TAFA2: variants seen among roughly 807,000 people sequenced by gnomAD.
TAFA2 encodes the protein TAFA chemokine like family member 2.
In TAFA2, 7 loss-of-function variants were observed where a neutral mutation model predicts 18.8. The observed-to-expected ratio is 0.37, with a 90% CI of 0.21 to 0.70. The LOEUF is 0.70. TAFA2 is among the 30% of genes least tolerant of loss of function. TAFA2 has a pLI of 0.53. For missense variants in TAFA2, 122 were observed against 158.1 expected, an observed-to-expected ratio of 0.77 and a Z score of 1.23; for synonymous variants, 60 against 54.2, an observed-to-expected ratio of 1.11 and a Z score of -0.47.
At chr12:61,736,596 T>C (rs548710935) in intron 4 of TAFA2, among the ~76,000 whole-genome samples, 1 of 152,168 alleles carries the variant, frequency 6.6e-6, no homozygotes, top group Admixed American at 6.6e-5. Flanking sequence ...TAATTGTTAC[T>C]TACAATTGGA....
At chr12:61,926,938 G>T (rs1220290773) in intron 1 of TAFA2, among the ~76,000 whole-genome samples, 1 of 151,910 alleles carries the variant, frequency 6.6e-6, no homozygotes, top group Non-Finnish European at 1.5e-5. Flanking sequence ...AGCTGGGCAT[G>T]GTGGCACATG....
intron 4 of TAFA2, among the ~76,000 whole-genome samples, chr12:61,713,116 TTC>T (rs973941520): frequency 1.9e-4 from 29 of 152,182 alleles, no homozygotes; most frequent in African/African-American, 6.3e-4. Context: ...GCCTAAAGGT[TTC>T]TCTGTACATC....
chr12:62,175,048 T>C (rs756067921), intron 1 of TAFA2, among the ~76,000 whole-genome samples: 3 of 152,212 alleles, frequency 2.0e-5, no homozygotes, highest in Non-Finnish European at 4.4e-5. Flanking sequence ...AGTGTATTGA[T>C]GAGCAGGGAT....
intron 1 of TAFA2, among the ~76,000 whole-genome samples, chr12:61,888,640 G>C (rs939664693): frequency 2.0e-5 from 3 of 152,066 alleles, no homozygotes; most frequent in Non-Finnish European, 4.4e-5. Flanking sequence ...AAAAGATCAA[G>C]TAGATAAAAA....
At chr12:61,889,934 C>T (rs147355951) in intron 1 of TAFA2, among the ~76,000 whole-genome samples, 2 of 152,316 alleles carry the variant, frequency 1.3e-5, no homozygotes, top group African/African-American at 4.8e-5. Context: ...TAAAGGCCCA[C>T]AATGACTAGG....
At chr12:61,823,451 G>A (rs773765011) in intron 2 of TAFA2, among the ~76,000 whole-genome samples, 1 of 152,094 alleles carries the variant, frequency 6.6e-6, no homozygotes, top group Non-Finnish European at 1.5e-5. Flanking sequence ...TAAATTACAG[G>A]CACCCATTAA....
intron 1 of TAFA2, among the ~76,000 whole-genome samples, chr12:61,951,394 C>T (rs1486965318): frequency 2.0e-5 from 3 of 152,148 alleles, no homozygotes; most frequent in Admixed American, 2.0e-4. Flanking sequence ...CCAACATGAA[C>T]TGTTTTCTTA....
At chr12:61,919,518 T>C (rs906751916) in intron 1 of TAFA2, among the ~76,000 whole-genome samples, 3 of 152,208 alleles carry the variant, frequency 2.0e-5, no homozygotes, top group Non-Finnish European at 4.4e-5. Flanking sequence ...AGTTCATGGC[T>C]CCTAAGTTCC....
chr12:62,177,460 T>G (rs1444381767), intron 1 of TAFA2, among the ~76,000 whole-genome samples: 8 of 152,214 alleles, frequency 5.3e-5, no homozygotes, highest in African/African-American at 1.9e-4. Flanking sequence ...CACATTATTG[T>G]TCCCCAAATC....
chr12:62,033,400 G>A (rs1315370118), intron 1 of TAFA2, among the ~76,000 whole-genome samples: 1 of 152,074 alleles, frequency 6.6e-6, no homozygotes, highest in Non-Finnish European at 1.5e-5. Context: ...TCGGCCCTTA[G>A]GAAGGAGGTT....
intron 2 of TAFA2, among the ~76,000 whole-genome samples, chr12:61,811,240 T>G (rs934975959): frequency 2.0e-5 from 3 of 151,410 alleles, no homozygotes; most frequent in African/African-American, 7.4e-5. Context: ...CAATGTTCAA[T>G]TCTTCATGTA....
intron 1 of TAFA2, among the ~76,000 whole-genome samples, chr12:61,927,852 C>T (rs1306644260): frequency 1.3e-5 from 2 of 152,106 alleles, no homozygotes; most frequent in Non-Finnish European, 2.9e-5. Context: ...TCAGAAATAA[C>T]ACCACACATC....
intron 1 of TAFA2, among the ~76,000 whole-genome samples, chr12:62,242,184 CT>C (rs1226946216): frequency 6.6e-6 from 1 of 151,998 alleles, no homozygotes; most frequent in East Asian, 1.9e-4. Context: ...GAAAATGGAA[CT>C]GATAAATTAT....
chr12:61,753,433 G>C (rs1422433673), intron 4 of TAFA2, among the ~76,000 whole-genome samples, 189 bp downstream of exon 4: 1 of 152,010 alleles, frequency 6.6e-6, no homozygotes, highest in African/African-American at 2.4e-5. Flanking sequence ...GTACTCTATG[G>C]AAGATGTTGT....
Position 62,158,093 on chromosome 12 carries a change from C to T in TAFA2, c.-2+33166G>A, listed in dbSNP as rs370771783. ...CTATAAACTTTTCTGGAAAAAAAGT[C>T]AATACATTCATGGTTTATCCCAAAT... On this transcript the variant is annotated intron_variant, in intron 1 of 4. Transcript: ENST00000416284. 6.6e-5 allele frequency among the ~76,000 whole-genome samples: 10 copies of T among 152,132 alleles called. No individual in the cohort carries two copies. In the East Asian group the frequency reaches 1.2e-3, roughly 18 times the overall value.
intron 2 of TAFA2, among the ~76,000 whole-genome samples, chr12:61,865,021 T>C (rs1173312774): frequency 1.3e-5 from 2 of 152,294 alleles, no homozygotes; most frequent in South Asian, 2.1e-4. Flanking sequence ...ATGTCCCACA[T>C]TGGTAGCCAA....
intron 4 of TAFA2, among the ~76,000 whole-genome samples, chr12:61,749,591 T>C (rs1868909271): frequency 6.6e-6 from 1 of 152,126 alleles, no homozygotes; most frequent in South Asian, 2.1e-4. Flanking sequence ...AATATCATAA[T>C]GCATACCTTT....
chr12:61,774,127 T>A (rs1354552889), intron 2 of TAFA2, among the ~76,000 whole-genome samples: 1 of 151,840 alleles, frequency 6.6e-6, no homozygotes, highest in African/African-American at 2.4e-5. Context: ...ATCAGGCAAA[T>A]GCAAATCAAA....
intron 4 of TAFA2, among the ~76,000 whole-genome samples, chr12:61,712,272 T>C (rs565209337): frequency 1.3e-5 from 2 of 152,270 alleles, no homozygotes; most frequent in South Asian, 4.1e-4. Context: ...TATTAGTGAG[T>C]ATAATAGATG....
Sources: gnomAD v4.1 joint callset for allele counts (sites outside exome capture counted in the v4.1 genomes callset) on GRCh38, gnomAD v4.1.1 for gene constraint, MANE v1.5 for transcripts, NCBI Gene and HGNC (gene_info 2026-07-23, HGNC 2026-07-21) for gene names.